PDE6C: variants seen among roughly 807,000 people sequenced by gnomAD.
PDE6C encodes phosphodiesterase 6C, also known as cone cGMP-specific 3',5'-cyclic phosphodiesterase subunit alpha'.
PDE6C carries 75 observed loss-of-function variants against 113.1 expected under a neutral mutation model. The ratio of observed to expected loss-of-function variants is 0.66; its 90% confidence interval spans 0.55 to 0.80. The LOEUF (loss-of-function observed/expected upper bound fraction) is 0.80, where lower values mean the gene tolerates loss of function less well. Ranked by LOEUF, PDE6C falls within the 30% of genes least tolerant of loss-of-function variation. PDE6C has a pLI of 0.00. For synonymous variants in PDE6C, 375 were observed against 363.7 expected, an observed-to-expected ratio of 1.03 and a Z score of -0.35; for missense variants, 912 against 1,038.6, an observed-to-expected ratio of 0.88 and a Z score of 1.67.
In PDE6C at chr10:93,634,795, A is replaced by G; in HGVS notation, c.1157A>G (p.Asn386Ser). 3.1e-6 allele frequency: 5 copies of G among 1,614,160 alleles called. No homozygotes were observed. Among genetic ancestry groups the G allele is most frequent in the Non-Finnish European group, 4.2e-6 (5 of 1,180,006 alleles). The change falls in exon 9 of 22, where the codon AAT becomes AGT. Residue 386 changes from asparagine to serine, a missense_variant. Physicochemically the swap from Asn to Ser is conservative, Grantham distance 46. Transcript: ENST00000371447. ...PVDETGWVIK[N>S]VLSLPIVNKK... is the part of the protein sequence containing the mutation. ...GACGAAACTGGTTGGGTCATTAAGA[A>G]TGTTTTGTCCCTGCCTATTGTCAAC...
intron 21 of PDE6C, 142 bp downstream of exon 21, chr10:93,663,320 T>C: frequency 1.2e-6 from 1 of 842,550 alleles, no homozygotes; most frequent in Non-Finnish European, 1.9e-6. Flanking sequence ...ACAGGCCGAT[T>C]AGTGGTTTTC....
At chr10:93,659,074 T>C in intron 17 of PDE6C, 30 bp from the exon 18 acceptor site, 1 of 1,590,938 alleles carries the variant, frequency 6.3e-7, no homozygotes, top group African/African-American at 1.3e-5. Context: ...TACTTATTTC[T>C]ATTTTAAAAT....
At chr10:93,629,151 G>A (rs571658389) in intron 7 of PDE6C, 107 bp from the exon 8 acceptor site, 263 of 905,960 alleles carry the variant, frequency 2.9e-4, no homozygotes, top group Non-Finnish European at 3.1e-4. Flanking sequence ...GTCAAGAGCC[G>A]TGTAGAAAAT....
chr10:93,636,871 G>C (rs569589556), intron 10 of PDE6C, 124 bp from the exon 11 acceptor site: 6 of 680,180 alleles, frequency 8.8e-6, no homozygotes, highest in Non-Finnish European at 2.7e-6. Flanking sequence ...GGGCTCCAGG[G>C]ATCTTCCCGC....
At chr10:93,662,512 T>C (rs1024918164) in intron 19 of PDE6C, 48 bp from the exon 20 acceptor site, 5 of 896,994 alleles carry the variant, frequency 5.6e-6, no homozygotes, top group African/African-American at 3.3e-5. Context: ...GTCTGTTTTG[T>C]TCATACATCT....
At chr10:93,654,797 TC>T (rs2058627489) in intron 15 of PDE6C, among the ~76,000 whole-genome samples, 8 of 88,510 alleles carry the variant, frequency 9.0e-5, no homozygotes, top group Admixed American at 7.0e-4. Context: ...TTTCTTTCTT[TC>T]TTTCTTTCTT....
At chr10:93,617,219 C>T (rs1460735551) in intron 1 of PDE6C, among the ~76,000 whole-genome samples, 7 of 152,122 alleles carry the variant, frequency 4.6e-5, no homozygotes, top group Admixed American at 2.6e-4. Flanking sequence ...GGGACACACG[C>T]AGGATTTATG....
chr10:93,640,405 T>C (rs774219237), intron 12 of PDE6C, 45 bp from the exon 13 acceptor site: 1 of 1,476,266 alleles, frequency 6.8e-7, no homozygotes, highest in South Asian at 1.1e-5. Flanking sequence ...CCTTCTAACC[T>C]TTAGAATTCT....
chr10:93,645,890 A>G, intron 14 of PDE6C, 70 bp from the exon 15 acceptor site: 1 of 897,016 alleles, frequency 1.1e-6, no homozygotes, highest in Non-Finnish European at 1.9e-6. Flanking sequence ...ATTAAGAAAA[A>G]TCCTGAATTG....
chr10:93,628,240 A>AT (rs111776347), intron 7 of PDE6C, among the ~76,000 whole-genome samples: 2,037 of 147,620 alleles, frequency 0.014, 37 homozygotes, highest in East Asian at 0.084. Context: ...CCATTTGTTC[A>AT]TTTTTTTTTT....
At position 93,621,995 on chromosome 10, in the gene PDE6C, A is replaced by G; in HGVS notation, c.787A>G (p.Lys263Glu). Residue 263 changes from lysine to glutamate, a missense_variant, in exon 4 of 22, where the codon AAA becomes GAA. Transcript: ENST00000371447. The part of the protein sequence containing the change: ...ELTDVERQFH[K>E]ALYTVRSYLN... ...CACAGATGTTGAGCGACAGTTTCAC[A>G]AAGCGCTCTACACGGTTAGATCATA... is the stretch of plus-strand genomic sequence containing the variant. The G allele has an allele frequency of 6.2e-7, 1 of 1,613,742 alleles. No individual in the cohort carries two copies.
At chr10:93,663,892 A>C (rs2058678074) in intron 21 of PDE6C, among the ~76,000 whole-genome samples, 1 of 152,208 alleles carries the variant, frequency 6.6e-6, no homozygotes, top group Non-Finnish European at 1.5e-5. Context: ...ATCACTCTGA[A>C]GGTTTTGTAA....
chr10:93,613,328 A>G, intron 1 of PDE6C, 123 bp downstream of exon 1: 2 of 1,356,234 alleles, frequency 1.5e-6, no homozygotes, highest in South Asian at 2.5e-5. Flanking sequence ...TGTGGGTGGC[A>G]GGGAAGAGGA....
intron 16 of PDE6C, 114 bp from the exon 17 acceptor site, chr10:93,658,785 CTA>C: frequency 2.8e-6 from 2 of 708,818 alleles, no homozygotes; most frequent in South Asian, 3.0e-5. Context: ...GTAGACTTTG[CTA>C]TGTGGACATC....
intron 8 of PDE6C, among the ~76,000 whole-genome samples, chr10:93,630,433 C>T (rs2058495721): frequency 6.6e-6 from 1 of 150,784 alleles, no homozygotes; most frequent in Non-Finnish European, 1.5e-5. Flanking sequence ...CCCTTCTCTA[C>T]CTGCCCATCC....
At chr10:93,654,802 CTTTCTTTCTTT>C (rs2058627989) in intron 15 of PDE6C, among the ~76,000 whole-genome samples, 2 of 82,646 alleles carry the variant, frequency 2.4e-5, no homozygotes, top group African/African-American at 9.3e-5. Flanking sequence ...TTCTTTCTTT[CTTTCTTTCTTT>C]TTTTTTTTTT....
At chr10:93,625,812 G>A (rs1166201092) in intron 5 of PDE6C, among the ~76,000 whole-genome samples, 163 bp downstream of exon 5, 2 of 152,182 alleles carry the variant, frequency 1.3e-5, no homozygotes, top group Admixed American at 1.3e-4. Context: ...CCAAGCTAGA[G>A]CTGATTGGCC....
At chr10:93,627,318 A>G (rs567932686) in intron 7 of PDE6C, among the ~76,000 whole-genome samples, 59 of 148,766 alleles carry the variant, frequency 4.0e-4, no homozygotes, top group African/African-American at 1.4e-3. Context: ...AGGACAAAGG[A>G]GAGAAGAATC....
chr10:93,624,785 A>G (rs950611277), intron 4 of PDE6C, among the ~76,000 whole-genome samples: 1 of 152,200 alleles, frequency 6.6e-6, no homozygotes, highest in African/African-American at 2.4e-5. Flanking sequence ...GTACTGGTTG[A>G]TTCAGAGATC....
Sources: allele counts gnomAD v4.1 joint callset (sites outside exome capture counted in the v4.1 genomes callset), GRCh38; gene constraint gnomAD v4.1.1; transcripts MANE v1.5; gene names NCBI Gene and HGNC (gene_info 2026-07-23, HGNC 2026-07-21).